Variants in ZBBX observed in about 807,000 individuals in gnomAD.
ZBBX encodes the protein zinc finger B-box domain containing, also known as zinc finger B-box domain-containing protein 1.
A neutral mutation model predicts 108.5 loss-of-function variants in ZBBX; 101 were observed. The observed-to-expected ratio is 0.93, with a 90% CI of 0.79 to 1.10. The LOEUF (loss-of-function observed/expected upper bound fraction) is 1.10. ZBBX is among the 50% of genes least tolerant of loss of function. ZBBX has a pLI of 0.00. For missense variants in ZBBX, 1,009 were observed against 941.4 expected (o/e 1.07, Z -0.94); for synonymous variants, 356 against 323.4 (o/e 1.10, Z -1.08).
At chr3:167,374,289 A>T (rs1746615574) in intron 2 of ZBBX, among the ~76,000 whole-genome samples, 1 of 152,168 alleles carries the variant, frequency 6.6e-6, no homozygotes, top group Non-Finnish European at 1.5e-5. Flanking sequence ...ATTTTTCAAC[A>T]AGAAACAAAA....
the ZBBX span, among the ~76,000 whole-genome samples, chr3:167,179,836 CA>C: frequency 2.0e-5 from 3 of 152,154 alleles, no homozygotes; most frequent in Admixed American, 6.5e-5. Context: ...TAGTTAATTT[CA>C]AAAACTGAAA....
the ZBBX span, among the ~76,000 whole-genome samples, chr3:167,178,478 G>A: frequency 6.6e-6 from 1 of 152,174 alleles, no homozygotes; most frequent in Non-Finnish European, 1.5e-5. Flanking sequence ...CCACAGGTAG[G>A]TGGCTGTGTT....
chr3:167,252,812 G>T (rs976234559), intron 20 of ZBBX, among the ~76,000 whole-genome samples: 1 of 147,854 alleles, frequency 6.8e-6, no homozygotes, highest in Non-Finnish European at 1.5e-5. Flanking sequence ...TTTTAAAAAT[G>T]GAAAAGCTGG....
At chr3:167,332,396 A>T (rs1311003058) in intron 10 of ZBBX, among the ~76,000 whole-genome samples, 1 of 152,116 alleles carries the variant, frequency 6.6e-6, no homozygotes, top group East Asian at 1.9e-4. Flanking sequence ...CTCCTGGATG[A>T]AATCATTGAA....
At chr3:167,288,554 A>C (rs558259019) in intron 19 of ZBBX, among the ~76,000 whole-genome samples, 4 of 152,332 alleles carry the variant, frequency 2.6e-5, no homozygotes, top group African/African-American at 9.6e-5. Context: ...CTGAGTGAGT[A>C]ATGAAACCAT....
At chr3:167,207,993 T>C in the ZBBX span, among the ~76,000 whole-genome samples, 1 of 152,126 alleles carries the variant, frequency 6.6e-6, no homozygotes, top group Non-Finnish European at 1.5e-5. Context: ...ACTGAGAATC[T>C]GCATTTGGGG....
rs369118851 is a variant in ZBBX, at chr3:167,372,842, T to C, written c.60A>G (p.Leu20=). The C allele has an allele frequency of 1.7e-5, 26 of 1,543,642 alleles. No individual in the cohort carries two copies. Among genetic ancestry groups the C allele is most frequent in the African/African-American group, 5.5e-5 (4 of 72,976 alleles). The change falls in exon 4 of 22, where the codon CTA becomes CTG. Residue 20 remains leucine, a synonymous_variant. Coordinates refer to ENST00000675490, the MANE Select transcript of ZBBX (RefSeq NM_001199201.2). The part of the protein sequence containing the change: ...PWGKPGNSVK[L]KYRNAQELRM... ...AATATATATGAACTCACCTATATTT[T>C]AGCTTTACAGAATTTCCAGGTTTTC...
chr3:167,314,683 C>T (rs1042666384), intron 15 of ZBBX, among the ~76,000 whole-genome samples: 3 of 152,044 alleles, frequency 2.0e-5, no homozygotes, highest in African/African-American at 7.2e-5. Context: ...TTATATTCAA[C>T]CGAAAAGGCC....
intron 1 of ZBBX, among the ~76,000 whole-genome samples, chr3:167,385,486 T>A (rs941502844): frequency 7.2e-5 from 11 of 152,102 alleles, no homozygotes; most frequent in African/African-American, 1.9e-4. Flanking sequence ...TAAATTTTTT[T>A]TAAAAATTTC....
At chr3:167,356,377 T>C (rs1743573610) in intron 8 of ZBBX, among the ~76,000 whole-genome samples, 1 of 152,086 alleles carries the variant, frequency 6.6e-6, no homozygotes, top group Admixed American at 6.6e-5. Context: ...ATTAGCTCTT[T>C]ATTAGATGTG....
intron 18 of ZBBX, 124 bp from the exon 19 acceptor site, chr3:167,289,107 T>A: frequency 2.6e-6 from 1 of 387,402 alleles, no homozygotes; most frequent in Non-Finnish European, 4.3e-6. Context: ...AACAGTGATA[T>A]ATATTATGAA....
chr3:167,290,048 GA>G (rs899091358), intron 18 of ZBBX, among the ~76,000 whole-genome samples: 3 of 151,976 alleles, frequency 2.0e-5, no homozygotes, highest in African/African-American at 7.2e-5. Flanking sequence ...GTCCCTCCCT[GA>G]AAAAAAGGCA....
chr3:167,208,003 G>A, the ZBBX span, among the ~76,000 whole-genome samples: 1 of 152,172 alleles, frequency 6.6e-6, no homozygotes, highest in Admixed American at 6.5e-5. Context: ...TGCATTTGGG[G>A]GAGGGAGAGT....
At chr3:167,237,021 C>T (rs1237707668), downstream of ZBBX, among the ~76,000 whole-genome samples, 1 of 151,718 alleles carries the variant, frequency 6.6e-6, no homozygotes, top group Non-Finnish European at 1.5e-5. Context: ...ATGAGCATTG[C>T]TCAAGATCTT....
intron 5 of ZBBX, 51 bp downstream of exon 5, chr3:167,368,410 C>T (rs1047200965): frequency 2.4e-6 from 3 of 1,269,360 alleles, no homozygotes; most frequent in Non-Finnish European, 3.4e-6. Flanking sequence ...TAAAATAGTT[C>T]TTTATATAAT....
chr3:167,297,154 G>A (rs1487936136), intron 18 of ZBBX, among the ~76,000 whole-genome samples: 1 of 151,864 alleles, frequency 6.6e-6, no homozygotes, highest in African/African-American at 2.4e-5. Context: ...TGTATATATT[G>A]TGGAATTGCT....
chr3:167,401,907 A>G (rs1003027936), intron 1 of ZBBX, among the ~76,000 whole-genome samples: 2 of 152,142 alleles, frequency 1.3e-5, no homozygotes, highest in Non-Finnish European at 2.9e-5. Context: ...TCATATTTCC[A>G]TATGGGACTG....
intron 1 of ZBBX, among the ~76,000 whole-genome samples, chr3:167,398,276 ATAACT>A (rs749437466): frequency 1.2e-4 from 18 of 152,248 alleles, no homozygotes; most frequent in African/African-American, 3.9e-4. Flanking sequence ...GCAAAAAAAG[ATAACT>A]TGACTTTAAC....
chr3:167,294,366 A>G (rs56117024), intron 18 of ZBBX, among the ~76,000 whole-genome samples: 2,628 of 152,300 alleles, frequency 0.017, 76 homozygotes, highest in African/African-American at 0.06. Flanking sequence ...CCAATGGAAC[A>G]GAACAGAGCC....
Sources: allele counts gnomAD v4.1 joint callset (sites outside exome capture counted in the v4.1 genomes callset), GRCh38; gene constraint gnomAD v4.1.1; transcripts MANE v1.5; gene names NCBI Gene and HGNC (gene_info 2026-07-23, HGNC 2026-07-21).